The following IFIT2 variants were observed in gnomAD, a reference collection of about 807,000 sequenced individuals.
IFIT2 encodes interferon induced protein with tetratricopeptide repeats 2.
In IFIT2, 3 loss-of-function variants were observed where a neutral mutation model predicts 2.5. The ratio of observed to expected loss-of-function variants is 1.21; its 90% CI spans 0.55 to 3.14. The LOEUF (loss-of-function observed/expected upper bound fraction) is 3.14, where lower values mean the gene tolerates loss of function less well. IFIT2 is among the 30% of genes most tolerant of loss of function. The pLI is 0.03. For missense variants in IFIT2, 493 were observed against 558.9 expected (o/e 0.88, Z 1.19); for synonymous variants, 212 against 200.7 (o/e 1.06, Z -0.48).
rs749785838 is a variant in IFIT2, at chr10:89,306,497, G to GCAAGCTA, written c.543_549dup (p.Arg184LysfsTer15). 9.3e-6 allele frequency: 15 copies of GCAAGCTA among 1,613,978 alleles called. No homozygotes were observed. Among genetic ancestry groups the GCAAGCTA allele is most frequent in the Non-Finnish European group, 8.5e-7 (1 of 1,180,008 alleles). Reference sequence around the variant, plus strand: ...AGAATTCACCTCTGGACTGGCAATAGCAAGCTACCGTCTGGACAACTGGCC... The same window carrying GCAAGCTA: ...AGAATTCACCTCTGGACTGGCAATAGCAAGCTACAAGCTACCGTCTGGACAACTGGCC... On this transcript the variant is annotated frameshift_variant, in exon 2 of 2. Transcript: ENST00000371826. LOFTEE classifies it low-confidence loss of function (END_TRUNC).
At chr10:89,305,940 A>G in intron 1 of IFIT2, 22 bp from the exon 2 acceptor site, 5 of 1,544,618 alleles carry the variant, frequency 3.2e-6, no homozygotes, top group Non-Finnish European at 4.4e-6. Context: ...CTCAAAGTCC[A>G]TCTTTGTGTT....
chr10:89,305,444 G>A (rs1246403492), intron 1 of IFIT2, among the ~76,000 whole-genome samples: 1 of 151,968 alleles, frequency 6.6e-6, no homozygotes, highest in Non-Finnish European at 1.5e-5. Flanking sequence ...GGAGAACTAA[G>A]GAATTAAGAA....
In IFIT2 at chr10:89,306,188, G is replaced by A. The variant is rs540819967; in HGVS notation, c.232G>A (p.Glu78Lys). The change falls in exon 2 of 2, where the codon GAA becomes AAA. Residue 78 changes from glutamate to lysine, a missense_variant. Coordinates refer to ENST00000371826, the MANE Select transcript of IFIT2 (RefSeq NM_001547.5). ...EAALECLRKAEELIQQEHADQ... is the reference protein window; with the variant it reads ...EAALECLRKAKELIQQEHADQ... Reference sequence around the variant, plus strand: ...AGCCCTGGAATGCTTACGTAAAGCTGAAGAGTTAATCCAGCAAGAGCATGC... The same window carrying A: ...AGCCCTGGAATGCTTACGTAAAGCTAAAGAGTTAATCCAGCAAGAGCATGC... 1 of 1,614,142 alleles carries A rather than the reference G, an allele frequency of 6.2e-7. No homozygotes were observed. The highest frequency in any genetic ancestry group is 1.1e-5 in the South Asian group (1 of 91,084).
At chr10:89,304,280 A>C (rs1843463896) in intron 1 of IFIT2, among the ~76,000 whole-genome samples, 1 of 130,568 alleles carries the variant, frequency 7.7e-6, no homozygotes, top group Non-Finnish European at 1.6e-5. Context: ...GGAGCCCCGG[A>C]GAGTGCTTGG....
Position 89,306,982 on chromosome 10 carries a change from C to A in IFIT2, c.1026C>A (p.Ser342Arg). 1.9e-6 allele frequency: 3 copies of A among 1,614,032 alleles called. No homozygotes were observed. Among genetic ancestry groups the A allele is most frequent in the Non-Finnish European group, 2.5e-6 (3 of 1,179,966 alleles). The change falls in exon 2 of 2, where the codon AGC (serine) becomes AGA (arginine). Residue 342 changes from serine (S) to arginine (R), a missense_variant. Ser to Arg is a moderately radical substitution (Grantham distance 110). Transcript: ENST00000371826. ...NLFRVCSILA[S>R]LHALADQYED... ...TCCGTGTCTGTTCCATTCTTGCCAG[C>A]CTCCATGCTCTAGCAGATCAGTATG...
Position 89,306,173 on chromosome 10 carries a change from T to C in IFIT2, c.217T>C (p.Cys73Arg). 1 of 1,614,162 alleles carries C rather than the reference T, an allele frequency of 6.2e-7. No homozygotes were observed. Among genetic ancestry groups the C allele is most frequent in the South Asian group, 1.1e-5 (1 of 91,088 alleles). ...LKGQNEAALE[C>R]LRKAEELIQQ... ...AGGGCAAAACGAGGCAGCCCTGGAA[T>C]GCTTACGTAAAGCTGAAGAGTTAAT... is the stretch of plus-strand genomic sequence containing the variant. The change falls in exon 2 of 2, where the codon TGC (cysteine) becomes CGC (arginine). Residue 73 changes from cysteine to arginine, a missense_variant. Physicochemically the swap from Cys to Arg is radical, Grantham distance 180. Transcript: ENST00000371826.
chr10:89,303,009 CAAAA>C (rs11420925), intron 1 of IFIT2, among the ~76,000 whole-genome samples: 1 of 132,172 alleles, frequency 7.6e-6, no homozygotes. Context: ...TGCCTGATTT[CAAAA>C]AAAAAAAAAA....
At chr10:89,302,422 C>T (rs1284822247) in intron 1 of IFIT2, among the ~76,000 whole-genome samples, 5 of 152,160 alleles carry the variant, frequency 3.3e-5, no homozygotes, top group Non-Finnish European at 7.3e-5. Flanking sequence ...GATGTTTCAT[C>T]GGCCTGGTGC....
At position 89,308,524 on chromosome 10, in the gene IFIT2, CT is replaced by C. The variant is rs1335882391; in HGVS notation, c.*1150del. On this transcript the variant is annotated 3_prime_UTR_variant, in exon 2 of 2. Transcript: ENST00000371826. ...TAAGTGATATAAACACTTCTTTTAACTCCGAAAATCTTCTGAGAAATCACAA... is the reference window on the plus strand; with the variant it reads ...TAAGTGATATAAACACTTCTTTTAACCCGAAAATCTTCTGAGAAATCACAA... 1 of 152,136 alleles carries C rather than the reference CT, an allele frequency of 6.6e-6. No individual in the cohort carries two copies. The highest frequency in any genetic ancestry group is 1.5e-5 in the Non-Finnish European group (1 of 68,024). The allele number at this position is 152,136 out of a possible 1,614,324, so 9.4% of individuals were successfully genotyped here.
intron 1 of IFIT2, 51 bp downstream of exon 1, chr10:89,302,179 A>G (rs199820972): frequency 3.4e-5 from 55 of 1,601,960 alleles, no homozygotes; most frequent in South Asian, 7.7e-5. Flanking sequence ...ATCTTGTCCA[A>G]TGCAAATCCT....
rs1327386100 is a variant in IFIT2, at chr10:89,307,314, C to G, written c.1358C>G (p.Ser453Cys). Residue 453 changes from serine (S) to cysteine (C), a missense_variant, in exon 2 of 2, where the codon TCT (serine) becomes TGT (cysteine). By Grantham distance (112) the Ser-to-Cys change is moderately radical (BLOSUM62 -1). Transcript: ENST00000371826. ...AAAATGCAACAAGCAGATGAAGACT[C>G]TGAGAGGGGTTTGGAGTCTGGAAGC... The part of the protein sequence containing the change: ...NEKMQQADED[S>C]ERGLESGSLI... 1.2e-5 allele frequency: 19 copies of G among 1,613,528 alleles called. No individual in the cohort carries two copies. Among genetic ancestry groups the G allele is most frequent in the Non-Finnish European group, 1.5e-5 (18 of 1,179,650 alleles).
At chr10:89,302,164 G>C (rs749507095) in intron 1 of IFIT2, 36 bp downstream of exon 1, 2 of 1,611,394 alleles carry the variant, frequency 1.2e-6, no homozygotes, top group Admixed American at 3.3e-5. Flanking sequence ...TAGTGCTGTT[G>C]AGTCATCTTG....
At position 89,306,575 on chromosome 10, in the gene IFIT2, G is replaced by A. The variant is rs1843481197; in HGVS notation, c.619G>A (p.Asp207Asn). The part of the protein sequence containing the change: ...PLRQAIRLNP[D>N]NQYLKVLLAL... ...GAGGCAAGCCATTCGGCTGAATCCT[G>A]ACAACCAGTACCTTAAAGTCCTCCT... Residue 207 changes from aspartate to asparagine, a missense_variant, in exon 2 of 2, where the codon GAC becomes AAC. Physicochemically the swap from Asp to Asn is conservative, Grantham distance 23 (BLOSUM62 1). Coordinates refer to ENST00000371826, the MANE Select transcript of IFIT2 (RefSeq NM_001547.5). 6.2e-7 allele frequency: 1 copy of A among 1,614,082 alleles called. No individual in the cohort carries two copies. The highest frequency in any genetic ancestry group is 8.5e-7 in the Non-Finnish European group (1 of 1,179,966).
chr10:89,303,092 T>G (rs930549843), intron 1 of IFIT2, among the ~76,000 whole-genome samples: 1 of 152,238 alleles, frequency 6.6e-6, no homozygotes, highest in Non-Finnish European at 1.5e-5. Flanking sequence ...TTTTCTTATT[T>G]CTTAGAATTT....
At position 89,307,285 on chromosome 10, in the gene IFIT2, T is replaced by G; in HGVS notation, c.1329T>G (p.Asn443Lys). 6.2e-7 allele frequency: 1 copy of G among 1,613,874 alleles called. No individual in the cohort carries two copies. ...TCTTGGCATTCCTTCAGGAGCTGAA[T>G]GAAAAAATGCAACAAGCAGATGAAG... is the stretch of plus-strand genomic sequence containing the variant. ...LHVLAFLQEL[N>K]EKMQQADEDS... Residue 443 changes from asparagine (N) to lysine (K), a missense_variant, in exon 2 of 2, where the codon AAT becomes AAG. Transcript: ENST00000371826.
In IFIT2 at chr10:89,306,257, G is replaced by A; in HGVS notation, c.301G>A (p.Ala101Thr). ...AAGTCTGGTCACCTGGGGAAACTAT[G>A]CCTGGGTCTACTATCACATGGGCCG... ...IRSLVTWGNY[A>T]WVYYHMGRLS... The change falls in exon 2 of 2, where the codon GCC becomes ACC. Residue 101 changes from alanine (A) to threonine (T), a missense_variant. Physicochemically the swap from Ala to Thr is moderately conservative, Grantham distance 58. Transcript: ENST00000371826. The A allele has an allele frequency of 7.4e-6, 12 of 1,614,130 alleles. No individual in the cohort carries two copies. The highest frequency in any genetic ancestry group is 1.0e-5 in the Non-Finnish European group (12 of 1,180,008).
Position 89,306,458 on chromosome 10 carries a change from A to G in IFIT2, c.502A>G (p.Lys168Glu). The G allele has an allele frequency of 6.2e-7, 1 of 1,614,148 alleles. No individual in the cohort carries two copies. Among genetic ancestry groups the G allele is most frequent in the South Asian group, 1.1e-5 (1 of 91,088 alleles). Residue 168 changes from lysine to glutamate, a missense_variant, in exon 2 of 2, where the codon AAG becomes GAG. Coordinates refer to ENST00000371826, the MANE Select transcript of IFIT2 (RefSeq NM_001547.5). ...KVCFEKALEK[K>E]PKNPEFTSGL... ...GTGCTTTGAGAAGGCTCTGGAAAAG[A>G]AGCCAAAGAACCCAGAATTCACCTC...
chr10:89,306,700 T>C lies in IFIT2; in HGVS notation c.744T>C (p.Asp248=). Residue 248 remains aspartate, a synonymous_variant, in exon 2 of 2, where the codon GAT becomes GAC. Coordinates refer to ENST00000371826, the MANE Select transcript of IFIT2 (RefSeq NM_001547.5). ...EALEKAPGVT[D]VLRSAAKFYR... ...TGGAGAAAGCCCCAGGTGTAACAGA[T>C]GTTCTTCGCAGTGCAGCCAAGTTTT... 1.2e-6 allele frequency: 2 copies of C among 1,614,142 alleles called. No homozygotes were observed. The highest frequency in any genetic ancestry group is 2.2e-5 in the South Asian group (2 of 91,082).
chr10:89,308,892 T>C lies in IFIT2; in HGVS notation c.*1517T>C, dbSNP rs1446028224. On this transcript the variant is annotated 3_prime_UTR_variant, in exon 2 of 2. Coordinates refer to ENST00000371826, the MANE Select transcript of IFIT2 (RefSeq NM_001547.5). ...TTCCTGAAAATGTCATATATTTTCATTAATAAATAACCTAAATATGATAAA... is the reference window on the plus strand; with the variant it reads ...TTCCTGAAAATGTCATATATTTTCACTAATAAATAACCTAAATATGATAAA... The C allele has an allele frequency of 6.6e-6, 1 of 152,196 alleles. No homozygotes were observed. The highest frequency in any genetic ancestry group is 1.5e-5 in the Non-Finnish European group (1 of 68,042). The allele number at this position is 152,196 out of a possible 1,614,324, so 9.4% of individuals were successfully genotyped here.
Sources: gnomAD v4.1 joint callset for allele counts (sites outside exome capture counted in the v4.1 genomes callset) on GRCh38, gnomAD v4.1.1 for gene constraint, MANE v1.5 for transcripts, NCBI Gene and HGNC (gene_info 2026-07-23, HGNC 2026-07-21) for gene names.